ZBTB20: variants seen among roughly 807,000 people sequenced by gnomAD.
ZBTB20 encodes zinc finger and BTB domain containing 20.
ZBTB20 carries 9 observed loss-of-function variants against 56.9 expected under a neutral mutation model. That is an observed-to-expected ratio of 0.16 (90% confidence interval 0.10 to 0.28). The LOEUF (loss-of-function observed/expected upper bound fraction) is 0.28, where lower values mean the gene tolerates loss of function less well. ZBTB20 is among the 10% of genes least tolerant of loss of function. The pLI is 1.00. For missense variants in ZBTB20, 655 were observed against 1,003.0 expected (o/e 0.65, Z 4.69); for synonymous variants, 417 against 420.7 (o/e 0.99, Z 0.11).
chr3:114,664,949 T>A (rs896330072), intron 6 of ZBTB20, among the ~76,000 whole-genome samples: 1 of 152,040 alleles, frequency 6.6e-6, no homozygotes, highest in African/African-American at 2.4e-5. Flanking sequence ...GCTGAATGAA[T>A]AATCTGGAAC....
intron 10 of ZBTB20, among the ~76,000 whole-genome samples, chr3:114,379,581 G>C (rs2084070126): frequency 6.6e-6 from 1 of 152,162 alleles, no homozygotes; most frequent in South Asian, 2.1e-4. Flanking sequence ...TCATTAAGCT[G>C]CCCATTTCCA....
chr3:114,558,556 C>T (rs543128730), intron 6 of ZBTB20, among the ~76,000 whole-genome samples: 4 of 152,172 alleles, frequency 2.6e-5, no homozygotes, highest in South Asian at 2.1e-4. Flanking sequence ...AAATTCTCCA[C>T]GAGGCAATGT....
intron 2 of ZBTB20, among the ~76,000 whole-genome samples, chr3:115,055,187 ATCTCTCTC>A (rs58480744): frequency 5.3e-4 from 55 of 103,182 alleles, no homozygotes; most frequent in South Asian, 7.2e-4. Flanking sequence ...CCTCCTGGTA[ATCTCTCTC>A]TCTCTCTCTC....
At chr3:114,991,019 G>T (rs1264975105) in intron 2 of ZBTB20, among the ~76,000 whole-genome samples, 1 of 151,984 alleles carries the variant, frequency 6.6e-6, no homozygotes, top group East Asian at 1.9e-4. Flanking sequence ...ACTCTTGCTA[G>T]CAGTCTACCA....
intron 5 of ZBTB20, among the ~76,000 whole-genome samples, chr3:114,753,347 T>C (rs1204609360): frequency 0.28 from 28,090 of 99,710 alleles, 13,030 homozygotes; most frequent in Admixed American, 0.46. Flanking sequence ...TGTATATATG[T>C]ATACATTATA....
chr3:114,602,201 T>C (rs1400432486), intron 6 of ZBTB20, among the ~76,000 whole-genome samples: 2 of 152,060 alleles, frequency 1.3e-5, no homozygotes, highest in Admixed American at 6.6e-5. Context: ...TCTATAGAGT[T>C]ACCTAAAGGC....
intron 4 of ZBTB20, among the ~76,000 whole-genome samples, chr3:114,844,540 A>AAAAC (rs1560313276): frequency 2.8e-5 from 4 of 142,114 alleles, no homozygotes; most frequent in African/African-American, 1.0e-4. Context: ...AAAAAAAAAA[A>AAAAC]AAAAAAAAAA....
At chr3:114,897,135 C>T (rs1286107405) in intron 4 of ZBTB20, among the ~76,000 whole-genome samples, 1 of 152,112 alleles carries the variant, frequency 6.6e-6, no homozygotes. Context: ...ACAACAGATA[C>T]TATTATTTTC....
chr3:115,019,874 A>C (rs1177360665), intron 2 of ZBTB20, among the ~76,000 whole-genome samples: 2 of 151,368 alleles, frequency 1.3e-5, no homozygotes, highest in African/African-American at 4.8e-5. Context: ...AAACTGAGCA[A>C]ACTAGGGAAG....
chr3:114,964,680 C>T (rs1402789368), intron 3 of ZBTB20, among the ~76,000 whole-genome samples: 1 of 151,962 alleles, frequency 6.6e-6, no homozygotes, highest in Non-Finnish European at 1.5e-5. Context: ...AACTATGTGC[C>T]TGGGTGGAGG....
intron 5 of ZBTB20, among the ~76,000 whole-genome samples, chr3:114,785,237 T>C (rs538224153): frequency 6.6e-6 from 1 of 152,308 alleles, no homozygotes; most frequent in Non-Finnish European, 1.5e-5. Flanking sequence ...TTAGGCTTTG[T>C]GGGTCAAGAG....
chr3:114,362,081 A>G (rs895791081), intron 10 of ZBTB20, among the ~76,000 whole-genome samples: 1 of 152,092 alleles, frequency 6.6e-6, no homozygotes, highest in Non-Finnish European at 1.5e-5. Context: ...ACTTGTCTGT[A>G]TTTCTTGCGA....
At chr3:115,116,636 T>C (rs1313188861) in intron 1 of ZBTB20, among the ~76,000 whole-genome samples, 1 of 152,002 alleles carries the variant, frequency 6.6e-6, no homozygotes, top group African/African-American at 2.4e-5. Flanking sequence ...AATTTATTAA[T>C]TCTTGAGTAT....
At chr3:114,990,066 C>T (rs2078733337) in intron 2 of ZBTB20, among the ~76,000 whole-genome samples, 1 of 152,142 alleles carries the variant, frequency 6.6e-6, no homozygotes, top group Non-Finnish European at 1.5e-5. Context: ...AATTTGACTT[C>T]CTCTTTTCCT....
chr3:114,777,445 A>C (rs1350505844), intron 5 of ZBTB20, among the ~76,000 whole-genome samples: 1 of 152,208 alleles, frequency 6.6e-6, no homozygotes, highest in Non-Finnish European at 1.5e-5. Flanking sequence ...CAGAGGTTGC[A>C]GTGAGCCAAG....
At chr3:114,821,359 A>G (rs775672610) in intron 4 of ZBTB20, among the ~76,000 whole-genome samples, 4 of 152,078 alleles carry the variant, frequency 2.6e-5, no homozygotes, top group South Asian at 2.1e-4. Flanking sequence ...CTCAACATCA[A>G]TGCAGCACTT....
In ZBTB20 at chr3:114,844,544, A is replaced by AAAAAAAAC. The variant is rs2074582982; in HGVS notation, c.-416-43371_-416-43370insGTTTTTTT. Among the ~76,000 whole-genome samples the AAAAAAAAC allele has an allele frequency of 2.8e-5, 4 of 140,602 alleles. 1 individual carries two copies. 92.2% of individuals were successfully genotyped at this position (140,602 alleles called of 152,430 possible). A position where few individuals can be genotyped will look rare whatever the true frequency, so the allele number is the denominator to read the frequency against. ...TCAAAAAAAAAAAAAAAAAAAAAAA[A>AAAAAAAAC]AAAAAAAACTTTCATTTCTCTTGTG... On this transcript the variant is annotated intron_variant, in intron 4 of 11. Transcript: ENST00000675478.
intron 5 of ZBTB20, chr3:114,710,180 A>G (rs1269953116): frequency 6.6e-6 from 1 of 152,208 alleles, no homozygotes; most frequent in Non-Finnish European, 1.5e-5. Flanking sequence ...TTTGCAATGT[A>G]TATCAGGGAA....
chr3:115,082,385 C>T (rs768006745), intron 1 of ZBTB20, among the ~76,000 whole-genome samples: 10 of 152,150 alleles, frequency 6.6e-5, no homozygotes, highest in Non-Finnish European at 1.5e-4. Flanking sequence ...CAGTGACAGT[C>T]GTGAGTGTGC....
Sources: gnomAD v4.1 joint callset for allele counts (sites outside exome capture counted in the v4.1 genomes callset) on GRCh38, gnomAD v4.1.1 for gene constraint, MANE v1.5 for transcripts, NCBI Gene and HGNC (gene_info 2026-07-23, HGNC 2026-07-21) for gene names.